Variants in SH3RF3 observed in about 807,000 individuals in gnomAD.
The protein encoded by SH3RF3 is E3 ubiquitin-protein ligase SH3RF3.
In SH3RF3, 29 loss-of-function variants were observed where a neutral mutation model predicts 66.3. That is an observed-to-expected ratio of 0.44 (90% CI 0.33 to 0.60). The LOEUF is 0.60. Ranked by LOEUF, SH3RF3 falls within the 20% of genes least tolerant of loss-of-function variation. SH3RF3 has a pLI of 0.04. For missense variants in SH3RF3, 1,194 were observed against 1,190.9 expected (o/e 1.00, Z -0.04); for synonymous variants, 583 against 532.0 (o/e 1.10, Z -1.32).
At chr2:109,384,027 T>A in intron 3 of SH3RF3, among the ~76,000 whole-genome samples, 1 of 152,180 alleles carries the variant, frequency 6.6e-6, no homozygotes, top group Non-Finnish European at 1.5e-5. Flanking sequence ...CCTTTCCATC[T>A]CTGCTTCCAT....
intron 1 of SH3RF3, among the ~76,000 whole-genome samples, chr2:109,297,056 C>G (rs1467094735): frequency 1.3e-5 from 2 of 152,094 alleles, no homozygotes; most frequent in East Asian, 3.9e-4. Context: ...GTGGGGCCAA[C>G]TAGACTGCAG....
intron 4 of SH3RF3, among the ~76,000 whole-genome samples, chr2:109,404,407 C>T (rs1401199754): frequency 6.6e-6 from 1 of 152,216 alleles, no homozygotes; most frequent in Non-Finnish European, 1.5e-5. Context: ...CTCTGAGTAG[C>T]CATGTGGGAA....
chr2:109,334,381 T>TA (rs67450565), intron 1 of SH3RF3, among the ~76,000 whole-genome samples: 209 of 144,202 alleles, frequency 1.4e-3, no homozygotes, highest in Non-Finnish European at 2.8e-3. Context: ...AAAAAAATCT[T>TA]AAAAAAAAAT....
At chr2:109,174,421 A>T (rs1185696589) in intron 1 of SH3RF3, among the ~76,000 whole-genome samples, 2 of 152,182 alleles carry the variant, frequency 1.3e-5, no homozygotes, top group South Asian at 4.1e-4. Context: ...AATACTCCAC[A>T]GCTGGGGCGT....
At chr2:109,134,811 T>C (rs1676781259) in intron 1 of SH3RF3, among the ~76,000 whole-genome samples, 1 of 152,140 alleles carries the variant, frequency 6.6e-6, no homozygotes, top group South Asian at 2.1e-4. Context: ...CTGCAGATGC[T>C]CTTCTATGCA....
intron 1 of SH3RF3, among the ~76,000 whole-genome samples, chr2:109,331,440 A>G (rs1331339831): frequency 6.6e-6 from 1 of 151,916 alleles, no homozygotes; most frequent in Non-Finnish European, 1.5e-5. Context: ...CAGGTTTGCA[A>G]CTTCTCCCTG....
Position 109,498,411 on chromosome 2 carries a change from G to T in SH3RF3, c.2481-3092G>T, listed in dbSNP as rs933840784. On this transcript the variant is annotated intron_variant, in intron 9 of 9. Coordinates refer to ENST00000309415, the MANE Select transcript of SH3RF3 (RefSeq NM_001099289.3). The stretch of plus-strand genomic sequence containing the variant: ...TGCAAGCTGGGCCTGTGTGCCCAGG[G>T]GCTGTGCACTCCATAGGACTGGGCC... 3.9e-5 allele frequency among the ~76,000 whole-genome samples: 6 copies of T among 152,266 alleles called. No individual in the cohort carries two copies. In the East Asian group the frequency reaches 1.2e-3, roughly 29 times the overall value.
intron 1 of SH3RF3, among the ~76,000 whole-genome samples, chr2:109,219,858 A>T (rs1365414157): frequency 3.3e-5 from 5 of 152,206 alleles, no homozygotes; most frequent in Non-Finnish European, 7.3e-5. Context: ...ACTCAAAGTG[A>T]TCTACAGATT....
intron 7 of SH3RF3, among the ~76,000 whole-genome samples, chr2:109,438,211 A>C (rs1274245435): frequency 2.0e-5 from 3 of 152,186 alleles, no homozygotes; most frequent in Admixed American, 1.3e-4. Context: ...AAGGGGTGGG[A>C]GGTAAGTGTC....
intron 1 of SH3RF3, among the ~76,000 whole-genome samples, chr2:109,158,762 C>T (rs1004226919): frequency 6.6e-6 from 1 of 152,212 alleles, no homozygotes; most frequent in Non-Finnish European, 1.5e-5. Context: ...CTAAGTGTTT[C>T]TTTCAAAGCA....
intron 3 of SH3RF3, among the ~76,000 whole-genome samples, chr2:109,391,461 C>T (rs1441843356): frequency 2.6e-5 from 4 of 152,214 alleles, no homozygotes; most frequent in Admixed American, 1.3e-4. Flanking sequence ...CTGGCAGGGC[C>T]GGCGGCCTCA....
chr2:109,339,935 A>G (rs900701236), intron 1 of SH3RF3, among the ~76,000 whole-genome samples: 1 of 152,142 alleles, frequency 6.6e-6, no homozygotes, highest in African/African-American at 2.4e-5. Context: ...TGGGGGAGTG[A>G]GGAGGAGGCA....
chr2:109,202,046 G>GT (rs1678687720), intron 1 of SH3RF3, among the ~76,000 whole-genome samples: 1 of 152,138 alleles, frequency 6.6e-6, no homozygotes, highest in Non-Finnish European at 1.5e-5. Context: ...CTTGGAGCCT[G>GT]GCTGGGTCTC....
At chr2:109,139,248 G>T (rs528328677) in intron 1 of SH3RF3, among the ~76,000 whole-genome samples, 7 of 152,168 alleles carry the variant, frequency 4.6e-5, no homozygotes, top group Non-Finnish European at 1.0e-4. Flanking sequence ...TGCGTGCAGA[G>T]CATCAAGAAT....
intron 3 of SH3RF3, among the ~76,000 whole-genome samples, chr2:109,392,369 T>G (rs1041286323): frequency 2.0e-5 from 3 of 152,150 alleles, no homozygotes; most frequent in Non-Finnish European, 4.4e-5. Flanking sequence ...AACAGGTCAC[T>G]TAACCTCTCT....
intron 2 of SH3RF3, among the ~76,000 whole-genome samples, chr2:109,359,249 T>G (rs150542294): frequency 6.6e-6 from 1 of 152,228 alleles, no homozygotes; most frequent in Non-Finnish European, 1.5e-5. Context: ...TTGTTGGCTC[T>G]TCTAGGTCTC....
intron 8 of SH3RF3, among the ~76,000 whole-genome samples, chr2:109,471,225 A>G (rs929236573): frequency 1.3e-5 from 2 of 150,510 alleles, no homozygotes; most frequent in African/African-American, 5.0e-5. Context: ...AAAAAAAAAA[A>G]AAAAAAGAAA....
intron 9 of SH3RF3, among the ~76,000 whole-genome samples, chr2:109,494,548 T>G (rs1382661946): frequency 1.3e-5 from 2 of 152,152 alleles, no homozygotes; most frequent in African/African-American, 4.8e-5. Flanking sequence ...TGAGTAAAAC[T>G]TACTTCCAGG....
At chr2:109,203,493 G>A (rs1398001806) in intron 1 of SH3RF3, among the ~76,000 whole-genome samples, 2 of 152,112 alleles carry the variant, frequency 1.3e-5, no homozygotes, top group Non-Finnish European at 2.9e-5. Context: ...AAGTCCCACC[G>A]CTCCCCATTG....
Sources: gnomAD v4.1 joint callset for allele counts (sites outside exome capture counted in the v4.1 genomes callset) on GRCh38, gnomAD v4.1.1 for gene constraint, MANE v1.5 for transcripts, NCBI Gene and HGNC (gene_info 2026-07-23, HGNC 2026-07-21) for gene names.